Variants in ZRANB3 observed in about 807,000 individuals in gnomAD.
The protein encoded by ZRANB3 is DNA annealing helicase and endonuclease ZRANB3.
ZRANB3 carries 125 observed loss-of-function variants against 133.8 expected under a neutral mutation model. The observed-to-expected ratio is 0.93, with a 90% CI of 0.81 to 1.08. The LOEUF is 1.08. ZRANB3 is among the 50% of genes least tolerant of loss of function. ZRANB3 has a pLI of 0.00. For missense variants in ZRANB3, 1,229 were observed against 1,275.5 expected, an observed-to-expected ratio of 0.96 and a Z score of 0.56; for synonymous variants, 387 against 432.7, an observed-to-expected ratio of 0.89 and a Z score of 1.31.
chr2:135,208,576 C>T (rs765581739), intron 18 of ZRANB3, among the ~76,000 whole-genome samples: 2 of 152,186 alleles, frequency 1.3e-5, no homozygotes, highest in African/African-American at 2.4e-5. Context: ...GCTCAAGATT[C>T]GGGGACAGAG....
chr2:135,492,943 T>C (rs938738620), intron 2 of ZRANB3, among the ~76,000 whole-genome samples: 9 of 151,284 alleles, frequency 5.9e-5, no homozygotes, highest in Non-Finnish European at 7.4e-5. Context: ...TTTAGACATA[T>C]GTGGTCAATC....
chr2:135,498,549 T>C (rs1471501525), intron 2 of ZRANB3, among the ~76,000 whole-genome samples: 1 of 152,126 alleles, frequency 6.6e-6, no homozygotes, highest in African/African-American at 2.4e-5. Flanking sequence ...CAATATGAAA[T>C]GTGGGCACCT....
rs550991268 is a variant in ZRANB3, at chr2:135,345,585, G to A, written c.642C>T (p.Thr214=). ...CATTACAGTATCTTTTTGCATAGTC[G>A]GTCCATCTTCCAAATTTTTGTGGAA... The part of the protein sequence containing the change: ...ALFPQKFGRW[T]DYAKRYCNAH... Residue 214 remains threonine, a synonymous_variant, in exon 6 of 21, where the codon ACC becomes ACT. Coordinates refer to ENST00000264159, the MANE Select transcript of ZRANB3 (RefSeq NM_032143.4). 311 of 1,612,402 alleles carry A rather than the reference G, an allele frequency of 1.9e-4. No homozygotes were observed. Among genetic ancestry groups the A allele is most frequent in the Non-Finnish European group, 2.5e-4 (296 of 1,179,266 alleles).
intron 8 of ZRANB3, among the ~76,000 whole-genome samples, chr2:135,301,912 C>T (rs1183713887): frequency 6.6e-6 from 1 of 152,182 alleles, no homozygotes. Flanking sequence ...AGCACCTTGC[C>T]ACATAGTAGG....
At chr2:135,285,428 T>G (rs971044962) in intron 8 of ZRANB3, among the ~76,000 whole-genome samples, 4 of 152,166 alleles carry the variant, frequency 2.6e-5, no homozygotes, top group African/African-American at 9.7e-5. Flanking sequence ...TTTCCGAAAC[T>G]ACAGAACTGG....
At chr2:135,215,782 C>A (rs1259385197) in intron 17 of ZRANB3, among the ~76,000 whole-genome samples, 1 of 152,134 alleles carries the variant, frequency 6.6e-6, no homozygotes, top group Non-Finnish European at 1.5e-5. Context: ...AGCAAGATTT[C>A]TCAACAGTGG....
chr2:135,223,148 G>A (rs1351514523), intron 15 of ZRANB3, among the ~76,000 whole-genome samples: 2 of 151,760 alleles, frequency 1.3e-5, no homozygotes, highest in Non-Finnish European at 2.9e-5. Context: ...GCTACCTGGA[G>A]GCTGAGGCAG....
intron 2 of ZRANB3, among the ~76,000 whole-genome samples, chr2:135,409,277 C>T (rs957324775): frequency 6.6e-6 from 1 of 152,132 alleles, no homozygotes; most frequent in African/African-American, 2.4e-5. Flanking sequence ...ATGATCCAAA[C>T]ATCTCCCACC....
intron 1 of ZRANB3, among the ~76,000 whole-genome samples, chr2:135,528,194 G>GCT (rs1261372185): frequency 1.3e-5 from 2 of 151,774 alleles, no homozygotes; most frequent in African/African-American, 4.8e-5. Flanking sequence ...GTTGCCCCAG[G>GCT]CTGGAGTGCA....
chr2:135,435,635 G>A (rs745916013), intron 2 of ZRANB3, among the ~76,000 whole-genome samples: 5 of 151,966 alleles, frequency 3.3e-5, no homozygotes, highest in African/African-American at 4.8e-5. Flanking sequence ...CCTTTTCTCC[G>A]TAACCTTGCC....
chr2:135,411,278 T>G (rs180861862), intron 2 of ZRANB3, among the ~76,000 whole-genome samples: 103 of 151,846 alleles, frequency 6.8e-4, no homozygotes, highest in African/African-American at 2.4e-3. Flanking sequence ...GGCAAGAATA[T>G]GAAGAAAAGA....
chr2:135,265,985 G>A (rs983926152), intron 11 of ZRANB3, among the ~76,000 whole-genome samples: 5 of 152,082 alleles, frequency 3.3e-5, no homozygotes, highest in Admixed American at 2.0e-4. Flanking sequence ...CAAGGGGGGC[G>A]ATCACCTGAG....
At chr2:135,246,786 C>T (rs914875390) in intron 12 of ZRANB3, among the ~76,000 whole-genome samples, 16 of 152,134 alleles carry the variant, frequency 1.1e-4, no homozygotes, top group Non-Finnish European at 1.9e-4. Context: ...GTGAGAAGTG[C>T]TGGGAATACA....
chr2:135,425,537 T>C (rs1038204109), intron 2 of ZRANB3, among the ~76,000 whole-genome samples: 1 of 152,130 alleles, frequency 6.6e-6, no homozygotes, highest in African/African-American at 2.4e-5. Flanking sequence ...GATTTTTCCA[T>C]AATCAAAAAA....
rs1484859114 is a variant in ZRANB3 at position 135,342,580 on chromosome 2, G to A, written c.677+2970C>T. Among the ~76,000 whole-genome samples, 3 of 149,668 alleles carry A rather than the reference G, an allele frequency of 2.0e-5. 1 individual carries two copies. The highest frequency in any genetic ancestry group is 7.7e-5 in the African/African-American group (3 of 39,098). ...CTACCTTGGCCTTCCAAAGTGCTGG[G>A]ATTACAGGTGTGAGTCACTGTGCCC... On this transcript the variant is annotated intron_variant, in intron 6 of 20. Coordinates refer to ENST00000264159, the MANE Select transcript of ZRANB3 (RefSeq NM_032143.4).
At chr2:135,309,018 T>C (rs1391652526) in intron 8 of ZRANB3, among the ~76,000 whole-genome samples, 4 of 150,706 alleles carry the variant, frequency 2.7e-5, no homozygotes, top group Admixed American at 2.7e-4. Flanking sequence ...TCTGGCTCTG[T>C]TGCCCAGGCT....
intron 6 of ZRANB3, among the ~76,000 whole-genome samples, chr2:135,330,044 A>C (rs1483792649): frequency 2.0e-5 from 3 of 152,074 alleles, no homozygotes; most frequent in African/African-American, 4.8e-5. Context: ...AATACCCTTT[A>C]TTTCTTTCTC....
intron 2 of ZRANB3, among the ~76,000 whole-genome samples, chr2:135,456,775 C>A (rs979745914): frequency 6.6e-6 from 1 of 152,080 alleles, no homozygotes; most frequent in South Asian, 2.1e-4. Flanking sequence ...CAGTCTATTC[C>A]TAAAGAACCT....
intron 2 of ZRANB3, among the ~76,000 whole-genome samples, chr2:135,483,667 T>C (rs1442131993): frequency 6.6e-6 from 1 of 152,150 alleles, no homozygotes; most frequent in Non-Finnish European, 1.5e-5. Flanking sequence ...TTGAATGTGT[T>C]TGCTCTTGCT....
Sources: gnomAD v4.1 joint callset for allele counts (sites outside exome capture counted in the v4.1 genomes callset) on GRCh38, gnomAD v4.1.1 for gene constraint, MANE v1.5 for transcripts, NCBI Gene and HGNC (gene_info 2026-07-23, HGNC 2026-07-21) for gene names.